Variants in NAALADL2 observed in about 807,000 individuals in gnomAD.
The protein encoded by NAALADL2 is inactive N-acetylated-alpha-linked acidic dipeptidase-like protein 2.
In NAALADL2, 76 loss-of-function variants were observed where a neutral mutation model predicts 87.2. The observed-to-expected ratio is 0.87, with a 90% CI of 0.72 to 1.05. NAALADL2 has a LOEUF of 1.05. Among genes scored for constraint, NAALADL2 ranks in the 50% least tolerant of loss-of-function variants. NAALADL2 has a pLI of 0.00. For synonymous variants in NAALADL2, 354 were observed against 331.0 expected (o/e 1.07, Z -0.75); for missense variants, 1,089 against 945.8 (o/e 1.15, Z -1.99).
At chr3:174,515,811 T>C (rs1208035721) in intron 1 of NAALADL2, among the ~76,000 whole-genome samples, 1 of 151,990 alleles carries the variant, frequency 6.6e-6, no homozygotes, top group Non-Finnish European at 1.5e-5. Context: ...CAGGCCAGTT[T>C]AGACATTTTC....
chr3:175,656,911 G>A (rs1250066882), intron 11 of NAALADL2, among the ~76,000 whole-genome samples: 10 of 152,140 alleles, frequency 6.6e-5, no homozygotes, highest in East Asian at 1.9e-4. Flanking sequence ...TCTTGCCACC[G>A]TCATGGCCAT....
chr3:174,760,277 T>C (rs1712743144), intron 3 of NAALADL2, among the ~76,000 whole-genome samples: 1 of 152,192 alleles, frequency 6.6e-6, no homozygotes, highest in Admixed American at 6.5e-5. Context: ...ATTCCTCTAC[T>C]TGTTTGCAAA....
chr3:174,550,793 T>C (rs958395665), intron 2 of NAALADL2: 4 of 151,992 alleles, frequency 2.6e-5, no homozygotes, highest in Non-Finnish European at 4.4e-5. Flanking sequence ...GTTGTTTATC[T>C]TTTGGGGGCA....
rs1011214600 is a variant in NAALADL2, at chr3:174,636,710, A to G, written c.-115+86073A>G. Among the ~76,000 whole-genome samples the G allele has an allele frequency of 3.9e-5, 6 of 152,292 alleles. No individual in the cohort carries two copies. The South Asian group carries it at 8.3e-4, about 21-fold the overall frequency. Reference sequence around the variant, plus strand: ...GAACTCTCACACACTGTTGAAGCAGATATAAATTAGTACAGCCATTATGGC... The same window carrying G: ...GAACTCTCACACACTGTTGAAGCAGGTATAAATTAGTACAGCCATTATGGC... On this transcript the variant is annotated intron_variant, in intron 2 of 3. Coordinates refer to the NAALADL2 transcript ENST00000434257.
chr3:175,342,802 A>G (rs1321216733), intron 5 of NAALADL2, among the ~76,000 whole-genome samples: 2 of 152,014 alleles, frequency 1.3e-5, no homozygotes, highest in African/African-American at 4.8e-5. Flanking sequence ...CACAACTGGT[A>G]TTGTCCTCAG....
chr3:175,077,785 G>A (rs1716901409), intron 1 of NAALADL2, among the ~76,000 whole-genome samples: 1 of 151,950 alleles, frequency 6.6e-6, no homozygotes, highest in African/African-American at 2.4e-5. Context: ...AATCATTATG[G>A]GTGTGCATGG....
chr3:175,775,776 G>A (rs977662916), intron 13 of NAALADL2, among the ~76,000 whole-genome samples: 8 of 152,206 alleles, frequency 5.3e-5, no homozygotes, highest in Non-Finnish European at 1.2e-4. Flanking sequence ...AAGAGTCAAC[G>A]GAGAAGCAAT....
At chr3:175,147,807 C>T (rs1730967775) in intron 2 of NAALADL2, among the ~76,000 whole-genome samples, 3 of 152,126 alleles carry the variant, frequency 2.0e-5, no homozygotes, top group East Asian at 1.9e-4. Flanking sequence ...TGTTGGCTCA[C>T]GCCTGTAATC....
At chr3:174,449,571 A>C (rs1372550559) in intron 1 of NAALADL2, among the ~76,000 whole-genome samples, 1 of 152,236 alleles carries the variant, frequency 6.6e-6, no homozygotes, top group East Asian at 1.9e-4. Flanking sequence ...CATATATTAC[A>C]TAAACAGTAT....
chr3:174,609,293 A>G (rs1719509794), intron 2 of NAALADL2, among the ~76,000 whole-genome samples: 1 of 152,118 alleles, frequency 6.6e-6, no homozygotes, highest in African/African-American at 2.4e-5. Context: ...TATTCAACAT[A>G]GTGTTGGAAG....
intron 2 of NAALADL2, among the ~76,000 whole-genome samples, chr3:174,607,957 A>G (rs966209828): frequency 1.8e-3 from 273 of 152,312 alleles, no homozygotes; most frequent in Non-Finnish European, 2.4e-3. Context: ...AGAAATTATA[A>G]CAAACTGTCT....
chr3:175,770,280 G>A (rs931682463), intron 13 of NAALADL2, among the ~76,000 whole-genome samples: 4 of 152,248 alleles, frequency 2.6e-5, no homozygotes, highest in Admixed American at 6.5e-5. Flanking sequence ...TGAGGATGAA[G>A]GTGAGGGAAG....
At position 174,618,810 on chromosome 3, in the gene NAALADL2, G is replaced by A. The variant is rs183981174; in HGVS notation, c.-115+68173G>A. On this transcript the variant is annotated intron_variant, in intron 2 of 3. Transcript: ENST00000434257. ...GACTTAATTTTATAAGTGTTATTTT[G>A]GTTATAACTGTTTAAAGAAAAGTAT... 1.2e-4 allele frequency among the ~76,000 whole-genome samples: 18 copies of A among 151,610 alleles called. No individual in the cohort carries two copies. The East Asian group carries it at 3.3e-3, about 28-fold the overall frequency.
At chr3:175,040,153 C>T (rs541973401) in intron 1 of NAALADL2, among the ~76,000 whole-genome samples, 25 of 152,268 alleles carry the variant, frequency 1.6e-4, no homozygotes, top group South Asian at 6.2e-4. Flanking sequence ...AACATGTCCA[C>T]GCCTGAAATT....
chr3:175,491,246 A>G (rs575242705), intron 9 of NAALADL2, among the ~76,000 whole-genome samples: 10 of 150,476 alleles, frequency 6.6e-5, no homozygotes, highest in African/African-American at 2.2e-4. Flanking sequence ...TAAATATAAT[A>G]CAATAAATAT....
chr3:175,500,724 G>T (rs1729425179), intron 9 of NAALADL2, among the ~76,000 whole-genome samples: 1 of 152,000 alleles, frequency 6.6e-6, no homozygotes, highest in Non-Finnish European at 1.5e-5. Flanking sequence ...CCATCTTACA[G>T]ATGAAGAAAG....
intron 3 of NAALADL2, among the ~76,000 whole-genome samples, chr3:174,774,354 A>G (rs1714949965): frequency 1.3e-5 from 2 of 152,156 alleles, no homozygotes; most frequent in South Asian, 4.1e-4. Context: ...CTGCTGGCTA[A>G]CTGCCCAAAT....
At chr3:175,200,971 A>G (rs1739931812) in intron 2 of NAALADL2, among the ~76,000 whole-genome samples, 3 of 152,120 alleles carry the variant, frequency 2.0e-5, no homozygotes, top group African/African-American at 4.8e-5. Context: ...ACTCTTCTCC[A>G]TGTTAAAACA....
chr3:175,073,537 A>T (rs993701581), intron 1 of NAALADL2, among the ~76,000 whole-genome samples: 1 of 152,102 alleles, frequency 6.6e-6, no homozygotes, highest in Non-Finnish European at 1.5e-5. Context: ...TTTTACTAAT[A>T]CAATTACTTG....
Sources: gnomAD v4.1 joint callset for allele counts (sites outside exome capture counted in the v4.1 genomes callset) on GRCh38, gnomAD v4.1.1 for gene constraint, MANE v1.5 for transcripts, NCBI Gene and HGNC (gene_info 2026-07-23, HGNC 2026-07-21) for gene names.